ASIC5: variants seen among roughly 807,000 people sequenced by gnomAD.
ASIC5 encodes the protein bile acid-sensitive ion channel.
In ASIC5, 52 loss-of-function variants were observed where a neutral mutation model predicts 51.2. The ratio of observed to expected loss-of-function variants is 1.02; its 90% CI spans 0.81 to 1.28. The LOEUF (loss-of-function observed/expected upper bound fraction) is 1.28, where lower values mean the gene tolerates loss of function less well. ASIC5 is among the 50% of genes most tolerant of loss of function. ASIC5 has a pLI of 0.00. For synonymous variants in ASIC5, 231 were observed against 200.7 expected, an observed-to-expected ratio of 1.15 and a Z score of -1.28; for missense variants, 635 against 595.0, an observed-to-expected ratio of 1.07 and a Z score of -0.70.
At position 155,852,281 on chromosome 4, in the gene ASIC5, A is replaced by T; in HGVS notation, c.621T>A (p.Cys207Ter). The T allele has an allele frequency of 6.3e-7, 1 of 1,596,724 alleles. No individual in the cohort carries two copies. Among genetic ancestry groups the T allele is most frequent in the Non-Finnish European group, 8.5e-7 (1 of 1,174,376 alleles). ...GAGTTTCACCATGATTAAAAGTAAA[A>T]CAATTTCCATATTCAGTGAAGACAT... The part of the protein sequence containing the change: ...FAHVFTEYGN[C>*]FTFNHGETLQ... Residue 207 changes from cysteine (C) to a stop codon, truncating the protein, a stop_gained, in exon 4 of 10, where the codon TGT becomes TGA. Transcript: ENST00000537611. LOFTEE classifies it high-confidence loss of function.
intron 4 of ASIC5, 97 bp from the exon 5 acceptor site, chr4:155,843,927 A>G: frequency 1.9e-6 from 2 of 1,062,028 alleles, no homozygotes; most frequent in Non-Finnish European, 2.8e-6. Context: ...ATAGCGTTTG[A>G]CTAATCCTAA....
intron 4 of ASIC5, among the ~76,000 whole-genome samples, chr4:155,848,168 A>T (rs976181068): frequency 6.6e-6 from 1 of 151,784 alleles, no homozygotes; most frequent in Non-Finnish European, 1.5e-5. Flanking sequence ...TCTTTTTTTA[A>T]AAAAAAATCC....
intron 5 of ASIC5, 68 bp downstream of exon 5, chr4:155,843,613 G>A: frequency 6.6e-7 from 1 of 1,525,700 alleles, no homozygotes; most frequent in East Asian, 2.3e-5. Flanking sequence ...AATTTCTAGT[G>A]AAAAGCATTA....
chr4:155,858,961 T>C (rs1741620007), intron 2 of ASIC5: 1 of 152,060 alleles, frequency 6.6e-6, no homozygotes, highest in South Asian at 2.1e-4. Context: ...AAGCTGTTGA[T>C]TTATATTCTC....
chr4:155,857,705 AG>A (rs1329619285), intron 2 of ASIC5, among the ~76,000 whole-genome samples: 1 of 152,124 alleles, frequency 6.6e-6, no homozygotes, highest in Non-Finnish European at 1.5e-5. Flanking sequence ...TGCCTGACTC[AG>A]GCCTTATTTG....
chr4:155,843,632 T>C (rs749006392), intron 5 of ASIC5, 49 bp downstream of exon 5: 1 of 1,594,122 alleles, frequency 6.3e-7, no homozygotes, highest in South Asian at 1.1e-5. Context: ...TACTTATGTG[T>C]TTGATGCATT....
chr4:155,861,768 A>T (rs1013059495), intron 2 of ASIC5, among the ~76,000 whole-genome samples: 1 of 151,868 alleles, frequency 6.6e-6, no homozygotes, highest in Non-Finnish European at 1.5e-5. Context: ...CTTGTGGCAA[A>T]ACCTTATCAA....
At chr4:155,864,441 A>G (rs1473878086) in intron 1 of ASIC5, 1 of 152,026 alleles carries the variant, frequency 6.6e-6, no homozygotes, top group Non-Finnish European at 1.5e-5. Flanking sequence ...GTAACACTAA[A>G]TTTTTTTGGC....
At chr4:155,849,588 A>G (rs1741332122) in intron 4 of ASIC5, among the ~76,000 whole-genome samples, 1 of 152,236 alleles carries the variant, frequency 6.6e-6, no homozygotes, top group African/African-American at 2.4e-5. Flanking sequence ...TTCCAAAACT[A>G]GGGTACACCT....
chr4:155,843,848 T>C lies in ASIC5; in HGVS notation c.712-18A>G. ...AATGCCTCCTGAAACAAAAATATGT[T>C]TTTGCCCAAATTGCAAATTGACTAT... On this transcript the variant is annotated intron_variant, in intron 4 of 9. Transcript: ENST00000537611. 6 of 1,612,982 alleles carry C rather than the reference T, an allele frequency of 3.7e-6. No homozygotes were observed. The highest frequency in any genetic ancestry group is 5.1e-6 in the Non-Finnish European group (6 of 1,179,364).
At chr4:155,855,215 TAA>T (rs1337598482) in intron 2 of ASIC5, 1 of 152,082 alleles carries the variant, frequency 6.6e-6, no homozygotes, top group Admixed American at 6.6e-5. Context: ...CCCTCTGACT[TAA>T]GTTTCCTCTC....
intron 2 of ASIC5, among the ~76,000 whole-genome samples, chr4:155,857,170 T>A (rs1741563867): frequency 6.6e-6 from 1 of 151,988 alleles, no homozygotes; most frequent in Admixed American, 6.6e-5. Flanking sequence ...GTTGCCCAGG[T>A]TGGAGTGCAG....
At chr4:155,830,734 G>T (rs560006411) in intron 9 of ASIC5, among the ~76,000 whole-genome samples, 4 of 152,132 alleles carry the variant, frequency 2.6e-5, no homozygotes, top group African/African-American at 9.6e-5. Flanking sequence ...AACTCTGTAC[G>T]CATTAAACTC....
intron 8 of ASIC5, among the ~76,000 whole-genome samples, chr4:155,833,538 A>T (rs1740915879): frequency 1.3e-5 from 2 of 152,170 alleles, no homozygotes; most frequent in African/African-American, 4.8e-5. Flanking sequence ...ATAATCAGGG[A>T]TTACAGTAAT....
chr4:155,851,599 T>C (rs1741383168), intron 4 of ASIC5, among the ~76,000 whole-genome samples: 1 of 152,020 alleles, frequency 6.6e-6, no homozygotes, highest in South Asian at 2.1e-4. Flanking sequence ...GTGGGAGCTA[T>C]ACTAGGAACC....
chr4:155,847,853 TA>T (rs1426610897), intron 4 of ASIC5, among the ~76,000 whole-genome samples: 1 of 152,052 alleles, frequency 6.6e-6, no homozygotes, highest in Non-Finnish European at 1.5e-5. Context: ...TGGGCGATAT[TA>T]AAAGACAAAA....
intron 2 of ASIC5, among the ~76,000 whole-genome samples, chr4:155,859,417 C>G (rs2110760595): frequency 6.6e-6 from 1 of 151,996 alleles, no homozygotes; most frequent in South Asian, 2.1e-4. Flanking sequence ...AAAAAGGGAT[C>G]TCTGACATAC....
At chr4:155,854,366 C>T in intron 2 of ASIC5, 52 bp from the exon 3 acceptor site, 1 of 1,209,732 alleles carries the variant, frequency 8.3e-7, no homozygotes, top group South Asian at 1.3e-5. Flanking sequence ...TTATAATTAT[C>T]TGGAAGACAG....
intron 7 of ASIC5, 42 bp downstream of exon 7, chr4:155,838,771 T>A: frequency 7.9e-7 from 1 of 1,268,426 alleles, no homozygotes; most frequent in Non-Finnish European, 1.1e-6. Context: ...TTTGAGCAAC[T>A]TTAATATAAA....
Sources: gnomAD v4.1 joint callset for allele counts (sites outside exome capture counted in the v4.1 genomes callset) on GRCh38, gnomAD v4.1.1 for gene constraint, MANE v1.5 for transcripts, NCBI Gene and HGNC (gene_info 2026-07-23, HGNC 2026-07-21) for gene names.